Variants in PDE10A observed in about 807,000 individuals in gnomAD.
The protein encoded by PDE10A is phosphodiesterase 10A.
In PDE10A, 39 loss-of-function variants were observed where a neutral mutation model predicts 97.7. The observed-to-expected ratio is 0.40, with a 90% CI of 0.31 to 0.52. PDE10A has a LOEUF of 0.52. Among genes scored for constraint, PDE10A ranks in the 20% least tolerant of loss-of-function variants. PDE10A has a pLI of 0.56. For missense variants in PDE10A, 731 were observed against 1,047.8 expected (o/e 0.70, Z 4.17); for synonymous variants, 371 against 376.8 (o/e 0.98, Z 0.18).
At position 165,943,290 on chromosome 6, in the gene PDE10A, AGAAG is replaced by A. The variant is rs1562810015; in HGVS notation, c.-615+44235_-615+44238del. On this transcript the variant is annotated intron_variant, in intron 1 of 19. Coordinates refer to the PDE10A transcript ENST00000366882. ...AGGAAGGAAGGAAAGAAAGAAAGAAAGAAGGAAAGAAAGAAAGAAGGAAGGAAGG... is the reference window on the plus strand; with the variant it reads ...AGGAAGGAAGGAAAGAAAGAAAGAAAGAAAGAAAGAAAGAAGGAAGGAAGG... 3.7e-5 allele frequency among the ~76,000 whole-genome samples: 3 copies of A among 82,016 alleles called. 1 individual carries two copies. The highest frequency in any genetic ancestry group is 4.4e-4 in the South Asian group (1 of 2,292). The allele number at this position is 82,016 out of a possible 152,430, so 53.8% of individuals were successfully genotyped here.
At chr6:165,496,217 A>G (rs1405558592) in intron 2 of PDE10A, among the ~76,000 whole-genome samples, 2 of 152,100 alleles carry the variant, frequency 1.3e-5, no homozygotes, top group Non-Finnish European at 2.9e-5. Context: ...CCTTATTTCC[A>G]AATACTAAGT....
intron 3 of PDE10A, among the ~76,000 whole-genome samples, chr6:165,463,905 C>T (rs780764375): frequency 1.3e-5 from 2 of 152,252 alleles, no homozygotes; most frequent in Non-Finnish European, 2.9e-5. Flanking sequence ...CATGCTCCTG[C>T]TGCAGAAAAT....
At chr6:165,603,150 T>C (rs1352386819) in intron 1 of PDE10A, among the ~76,000 whole-genome samples, 3 of 152,184 alleles carry the variant, frequency 2.0e-5, no homozygotes, top group African/African-American at 7.2e-5. Context: ...GGGCATCTTT[T>C]AGAAAATATA....
intron 1 of PDE10A, among the ~76,000 whole-genome samples, chr6:165,832,627 C>T (rs1012999271): frequency 3.3e-5 from 5 of 152,280 alleles, no homozygotes; most frequent in African/African-American, 1.2e-4. Flanking sequence ...GCAGTATCAG[C>T]GTTCCCACCC....
intron 1 of PDE10A, among the ~76,000 whole-genome samples, chr6:165,797,354 A>T (rs866947000): frequency 6.6e-6 from 1 of 152,230 alleles, no homozygotes; most frequent in African/African-American, 2.4e-5. Context: ...ATTTACTTGG[A>T]GGCTAAAAAA....
At chr6:165,861,147 T>A (rs535283700) in intron 1 of PDE10A, among the ~76,000 whole-genome samples, 1 of 152,224 alleles carries the variant, frequency 6.6e-6, no homozygotes, top group Non-Finnish European at 1.5e-5. Flanking sequence ...ACAGCATTGA[T>A]GTGGCTGATG....
At chr6:165,961,183 T>G (rs908769509) in intron 1 of PDE10A, among the ~76,000 whole-genome samples, 23 of 152,148 alleles carry the variant, frequency 1.5e-4, no homozygotes, top group Non-Finnish European at 3.2e-4. Flanking sequence ...CTTAGTTCTC[T>G]CTTTAAAAGC....
At chr6:165,919,101 A>T (rs1409126733) in intron 1 of PDE10A, among the ~76,000 whole-genome samples, 2 of 152,076 alleles carry the variant, frequency 1.3e-5, no homozygotes, top group Non-Finnish European at 2.9e-5. Flanking sequence ...CCATGTAATT[A>T]CTCAATCTTT....
intron 16 of PDE10A, among the ~76,000 whole-genome samples, chr6:165,391,864 T>C (rs79428177): frequency 2.8e-4 from 42 of 152,308 alleles, no homozygotes; most frequent in African/African-American, 1.0e-3. Flanking sequence ...CACAATTTAT[T>C]TATCACAAAG....
chr6:165,878,622 A>T (rs986681087), intron 1 of PDE10A, among the ~76,000 whole-genome samples: 4 of 152,236 alleles, frequency 2.6e-5, no homozygotes. Flanking sequence ...ATGGCTCCCC[A>T]AAGACATCCA....
chr6:165,489,767 C>T lies in PDE10A; in HGVS notation c.995-7424G>A, dbSNP rs1307147693. Among the ~76,000 whole-genome samples the T allele has an allele frequency of 3.3e-5, 5 of 152,110 alleles. 1 individual carries two copies. The highest frequency in any genetic ancestry group is 2.1e-4 in the South Asian group (1 of 4,816). On this transcript the variant is annotated intron_variant, in intron 2 of 21. Transcript: ENST00000539869. ...ATAAATAAAAAACAATCACAACTTC[C>T]GGAAATGAAGGAGACACTTAGAGAA...
intron 1 of PDE10A, among the ~76,000 whole-genome samples, chr6:165,771,605 C>T (rs1185416860): frequency 1.4e-5 from 2 of 146,386 alleles, no homozygotes; most frequent in East Asian, 2.0e-4. Context: ...CAGAAAAATC[C>T]ACTCCAAAAT....
chr6:165,515,740 T>C (rs1781764526), intron 2 of PDE10A, among the ~76,000 whole-genome samples: 1 of 152,056 alleles, frequency 6.6e-6, no homozygotes, highest in South Asian at 2.1e-4. Flanking sequence ...ATCAGGCTGC[T>C]CTCAAACTCC....
intron 3 of PDE10A, among the ~76,000 whole-genome samples, chr6:165,450,733 G>A (rs1426565348): frequency 1.3e-5 from 2 of 151,770 alleles, no homozygotes; most frequent in African/African-American, 4.8e-5. Context: ...GCTAATTTTT[G>A]TATTTTTTGT....
At chr6:165,800,750 T>C (rs1778961695) in intron 1 of PDE10A, among the ~76,000 whole-genome samples, 1 of 152,224 alleles carries the variant, frequency 6.6e-6, no homozygotes. Context: ...CAGAGCCCAT[T>C]TGGTGCCGCT....
intron 1 of PDE10A, among the ~76,000 whole-genome samples, chr6:165,613,925 T>C (rs1448513405): frequency 6.6e-6 from 1 of 152,004 alleles, no homozygotes; most frequent in Non-Finnish European, 1.5e-5. Flanking sequence ...AGCCCTTCCT[T>C]CCTTCTCCAT....
intron 1 of PDE10A, among the ~76,000 whole-genome samples, chr6:165,791,129 G>A (rs1159144864): frequency 6.6e-6 from 1 of 151,810 alleles, no homozygotes; most frequent in Admixed American, 6.6e-5. Context: ...AAAATTTTTT[G>A]CAGAGATGGG....
intron 1 of PDE10A, among the ~76,000 whole-genome samples, chr6:165,589,563 G>C (rs1167713803): frequency 1.3e-5 from 2 of 152,016 alleles, no homozygotes; most frequent in African/African-American, 2.4e-5. Context: ...GAGTACATAG[G>C]TATTCATTGA....
chr6:165,372,644 C>T (rs1046921495), intron 18 of PDE10A, among the ~76,000 whole-genome samples: 20 of 150,762 alleles, frequency 1.3e-4, no homozygotes, highest in Non-Finnish European at 2.7e-4. Context: ...GTGAAAATCG[C>T]CATACTGCCC....
Sources: gnomAD v4.1 joint callset for allele counts (sites outside exome capture counted in the v4.1 genomes callset) on GRCh38, gnomAD v4.1.1 for gene constraint, MANE v1.5 for transcripts, NCBI Gene and HGNC (gene_info 2026-07-23, HGNC 2026-07-21) for gene names.